The following VIPR1 variants were observed in gnomAD, a reference collection of about 807,000 sequenced individuals.
VIPR1 encodes the protein vasoactive intestinal polypeptide receptor 1.
A neutral mutation model predicts 58.8 loss-of-function variants in VIPR1; 59 were observed. The observed-to-expected ratio is 1.00, with a 90% CI of 0.81 to 1.25. The LOEUF is 1.25. VIPR1 is among the 50% of genes most tolerant of loss of function. VIPR1 has a pLI of 0.00. For synonymous variants in VIPR1, 251 were observed against 242.1 expected (o/e 1.04, Z -0.34); for missense variants, 626 against 602.7 (o/e 1.04, Z -0.40).
At chr3:42,509,392 C>A (rs1025297103) in intron 1 of VIPR1, 1 of 152,276 alleles carries the variant, frequency 6.6e-6, no homozygotes, top group Non-Finnish European at 1.5e-5. Context: ...GAGCATGGCC[C>A]ACCCTGTCTT....
At chr3:42,511,033 A>T (rs1354752617) in intron 1 of VIPR1, among the ~76,000 whole-genome samples, 1 of 152,192 alleles carries the variant, frequency 6.6e-6, no homozygotes, top group Non-Finnish European at 1.5e-5. Context: ...TTGTCCTCAG[A>T]GGGCAAGGCT....
At chr3:42,519,179 C>G in intron 2 of VIPR1, 44 bp from the exon 3 acceptor site, 1 of 1,515,204 alleles carries the variant, frequency 6.6e-7, no homozygotes, top group South Asian at 1.3e-5. Flanking sequence ...GCTGGAGGCA[C>G]CTGCACTGTG....
intron 6 of VIPR1, chr3:42,530,408 A>C (rs1701470027): frequency 4.5e-6 from 1 of 223,420 alleles, no homozygotes. Flanking sequence ...ATGGATGGAC[A>C]CATGGATAAA....
rs1407425881 is a variant in VIPR1, at chr3:42,536,392, C to T, written c.*111C>T. 2.2e-5 allele frequency: 27 copies of T among 1,207,198 alleles called. 1 individual carries two copies. Among genetic ancestry groups the T allele is most frequent in the Non-Finnish European group, 3.0e-5 (27 of 902,798 alleles). 74.8% of individuals were successfully genotyped at this position (1,207,198 alleles called of 1,614,324 possible). On this transcript the variant is annotated 3_prime_UTR_variant, in exon 13 of 13. Transcript: ENST00000325123. Reference sequence around the variant, plus strand: ...GCGCGGCCAGCCCCGGCCCTGGGCTCGGAGGCTGCCCCCGGCCCCCTGGTC... The same window carrying T: ...GCGCGGCCAGCCCCGGCCCTGGGCTTGGAGGCTGCCCCCGGCCCCCTGGTC...
intron 6 of VIPR1, 148 bp from the exon 7 acceptor site, chr3:42,530,631 T>C (rs1701488881): frequency 2.2e-6 from 2 of 908,256 alleles, no homozygotes; most frequent in South Asian, 4.0e-5. Flanking sequence ...GGAAAACCAA[T>C]GAGTACATTT....
intron 1 of VIPR1, among the ~76,000 whole-genome samples, chr3:42,492,847 T>G (rs1401067498): frequency 6.6e-6 from 1 of 152,190 alleles, no homozygotes; most frequent in Non-Finnish European, 1.5e-5. Flanking sequence ...GGCTGCGCCC[T>G]GGACACCAGG....
intron 6 of VIPR1, among the ~76,000 whole-genome samples, chr3:42,528,823 G>T (rs1701376447): frequency 6.6e-6 from 1 of 152,186 alleles, no homozygotes; most frequent in Non-Finnish European, 1.5e-5. Context: ...GTAACTCATT[G>T]CTTCATGCAT....
intron 1 of VIPR1, among the ~76,000 whole-genome samples, chr3:42,506,079 C>A (rs1170707029): frequency 6.6e-6 from 1 of 152,232 alleles, no homozygotes; most frequent in Non-Finnish European, 1.5e-5. Context: ...ACTTATACAG[C>A]TATTTCTGGC....
intron 1 of VIPR1, among the ~76,000 whole-genome samples, chr3:42,489,916 C>A (rs1040485188): frequency 9.9e-5 from 15 of 152,120 alleles, no homozygotes; most frequent in African/African-American, 3.4e-4. Flanking sequence ...CCATAGGTTA[C>A]ACACACACAC....
At position 42,508,439 on chromosome 3, in the gene VIPR1, C is replaced by T. The variant is rs139409126; in HGVS notation, c.79-5310C>T. ...GAGGGGCTACTACTTCCAGGGTGGG[C>T]GACGGCGTGTCACATGCTGCGCTGG... On this transcript the variant is annotated intron_variant, in intron 1 of 12. Transcript: ENST00000325123. Among the ~76,000 whole-genome samples the T allele has an allele frequency of 5.2e-4, 79 of 152,196 alleles. 1 individual carries two copies. The highest frequency in any genetic ancestry group is 1.8e-3 in the African/African-American group (75 of 41,518).
At chr3:42,503,327 A>G (rs1203068959) in intron 1 of VIPR1, among the ~76,000 whole-genome samples, 1 of 152,140 alleles carries the variant, frequency 6.6e-6, no homozygotes, top group African/African-American at 2.4e-5. Context: ...TGACAGGCAC[A>G]TCCCTCCGTG....
intron 3 of VIPR1, among the ~76,000 whole-genome samples, chr3:42,525,366 A>G (rs913539722): frequency 7.4e-6 from 1 of 134,246 alleles, no homozygotes; most frequent in African/African-American, 2.8e-5. Flanking sequence ...CAGGTTCCCC[A>G]ACCCCACCCC....
At chr3:42,530,680 G>A in intron 6 of VIPR1, 99 bp from the exon 7 acceptor site, 2 of 1,365,442 alleles carry the variant, frequency 1.5e-6, no homozygotes, top group Non-Finnish European at 2.0e-6. Flanking sequence ...GATTAAGTTG[G>A]CTGCACTGCA....
At chr3:42,501,242 A>C (rs1699862764), upstream of VIPR1, among the ~76,000 whole-genome samples, 1 of 151,022 alleles carries the variant, frequency 6.6e-6, no homozygotes, top group Non-Finnish European at 1.5e-5. This position sits in a 1 kb window ranked among gnomAD's most constrained non-coding sequence, Gnocchi z 4.8. Flanking sequence ...GCTTTCCCCC[A>C]CTCCCCTCAA....
chr3:42,535,455 G>A (rs1701793529), intron 12 of VIPR1, 71 bp downstream of exon 12: 1 of 1,527,754 alleles, frequency 6.5e-7, no homozygotes, highest in Non-Finnish European at 9.1e-7. Flanking sequence ...ACATTGGTGG[G>A]ATATGTGCAG....
At chr3:42,525,812 T>C (rs2125666472) in intron 3 of VIPR1, 75 bp from the exon 4 acceptor site, 1 of 1,440,172 alleles carries the variant, frequency 6.9e-7, no homozygotes, top group Non-Finnish European at 9.4e-7. Flanking sequence ...ATTCTCTGCC[T>C]TGTTCCAAGC....
At chr3:42,493,957 C>T (rs749500539) in intron 1 of VIPR1, among the ~76,000 whole-genome samples, 2 of 152,224 alleles carry the variant, frequency 1.3e-5, no homozygotes, top group Non-Finnish European at 2.9e-5. Flanking sequence ...TCAACTCCCA[C>T]CTGGCAGGTG....
Position 42,535,395 on chromosome 3 carries a change from C to T in VIPR1, c.1182+11C>T, listed in dbSNP as rs764015001. The T allele has an allele frequency of 6.2e-7, 1 of 1,613,654 alleles. No individual in the cohort carries two copies. The highest frequency in any genetic ancestry group is 8.5e-7 in the Non-Finnish European group (1 of 1,179,608). On this transcript the variant is annotated intron_variant, in intron 12 of 12. Transcript: ENST00000325123. Reference sequence around the variant, plus strand: ...TTCCTCAATGGTGAGGTAAGCCCCTCCCAGTCCTTGGGGCTTAGGCAATGG... The same window carrying T: ...TTCCTCAATGGTGAGGTAAGCCCCTTCCAGTCCTTGGGGCTTAGGCAATGG...
chr3:42,527,940 G>T, intron 5 of VIPR1, 51 bp from the exon 6 acceptor site: 1 of 1,598,964 alleles, frequency 6.3e-7, no homozygotes, highest in South Asian at 1.1e-5. Context: ...CATTGGCTGG[G>T]GTGGGGATCC....
Sources: gnomAD v4.1 joint callset for allele counts (sites outside exome capture counted in the v4.1 genomes callset) on GRCh38, gnomAD v4.1.1 for gene constraint, Gnocchi (gnomAD v3.1) non-coding constraint, MANE v1.5 for transcripts, NCBI Gene and HGNC (gene_info 2026-07-23, HGNC 2026-07-21) for gene names.